TRIM33: variants seen among roughly 807,000 people sequenced by gnomAD.
The protein encoded by TRIM33 is E3 ubiquitin-protein ligase TRIM33.
A neutral mutation model predicts 125.4 loss-of-function variants in TRIM33; 20 were observed. The ratio of observed to expected loss-of-function variants is 0.16; its 90% CI spans 0.11 to 0.23. The LOEUF (loss-of-function observed/expected upper bound fraction) is 0.23, where lower values mean the gene tolerates loss of function less well. TRIM33 is among the 10% of genes least tolerant of loss of function. TRIM33 has a pLI of 1.00. For synonymous variants in TRIM33, 564 were observed against 513.9 expected (o/e 1.10, Z -1.32); for missense variants, 920 against 1,411.4 (o/e 0.65, Z 5.58).
chr1:114,481,703 A>G (rs893006255), intron 1 of TRIM33, among the ~76,000 whole-genome samples: 3 of 151,266 alleles, frequency 2.0e-5, no homozygotes, highest in South Asian at 2.1e-4. Flanking sequence ...GTGTATATAT[A>G]TATTTTTTTA....
At chr1:114,457,269 G>A (rs1487249243) in intron 4 of TRIM33, among the ~76,000 whole-genome samples, 1 of 152,102 alleles carries the variant, frequency 6.6e-6, no homozygotes. Context: ...CATGATTTTG[G>A]GAAGTGTCAG....
chr1:114,504,395 T>A (rs916464830), intron 1 of TRIM33, among the ~76,000 whole-genome samples: 6 of 152,190 alleles, frequency 3.9e-5, no homozygotes, highest in Non-Finnish European at 8.8e-5. Flanking sequence ...CCCCTACTCC[T>A]GGACTCAAGC....
At chr1:114,457,296 A>C (rs1649682631) in intron 4 of TRIM33, among the ~76,000 whole-genome samples, 1 of 152,216 alleles carries the variant, frequency 6.6e-6, no homozygotes, top group African/African-American at 2.4e-5. Flanking sequence ...ATACTAATGC[A>C]GACTACAGCT....
chr1:114,454,751 A>G (rs1421070841), intron 4 of TRIM33, among the ~76,000 whole-genome samples: 2 of 151,298 alleles, frequency 1.3e-5, no homozygotes, highest in African/African-American at 4.8e-5. Flanking sequence ...AATACAAGAG[A>G]ATGTTAGGAC....
At chr1:114,403,781 C>T (rs1233110601) in intron 15 of TRIM33, among the ~76,000 whole-genome samples, 1 of 152,202 alleles carries the variant, frequency 6.6e-6, no homozygotes, top group Non-Finnish European at 1.5e-5. Flanking sequence ...CTACCTTGGC[C>T]TCCCAAAGTG....
intron 1 of TRIM33, 22 bp downstream of exon 1, chr1:114,510,529 C>G: frequency 6.9e-7 from 1 of 1,453,062 alleles, no homozygotes; most frequent in Non-Finnish European, 9.1e-7. Context: ...GGCCCAGATG[C>G]CAGGCAGGGC....
chr1:114,398,158 C>T (rs939351511), intron 18 of TRIM33, among the ~76,000 whole-genome samples, 168 bp from the exon 19 acceptor site: 1 of 152,158 alleles, frequency 6.6e-6, no homozygotes, highest in Non-Finnish European at 1.5e-5. Flanking sequence ...GAACCATTTT[C>T]TTTACAAAGC....
rs757363388 is a variant in TRIM33, at chr1:114,464,280, T to G, written c.635A>C (p.Lys212Thr). 3.0e-5 allele frequency: 47 copies of G among 1,571,402 alleles called. No individual in the cohort carries two copies. The South Asian group carries it at 5.1e-4, about 17-fold the overall frequency. ...AATTGAGAAGCATACCTGTTCTGAT[T>G]TTTCATCAGAACTGCTAGGAGCTTC... ...TSEAPSSSDEKSEQVCTSCED... is the reference protein window; with the variant it reads ...TSEAPSSSDETSEQVCTSCED... Residue 212 changes from lysine to threonine, a missense_variant, in exon 2 of 20, where the codon AAA becomes ACA. Lys to Thr is a moderately conservative substitution (Grantham distance 78, BLOSUM62 -1). Transcript: ENST00000358465.
intron 4 of TRIM33, among the ~76,000 whole-genome samples, chr1:114,443,118 T>C (rs1557868574): frequency 6.6e-6 from 1 of 150,808 alleles, no homozygotes; most frequent in Admixed American, 6.6e-5. Flanking sequence ...GTGCGGTGGC[T>C]CACACCTGTA....
chr1:114,472,316 C>T (rs1199353534), intron 1 of TRIM33, among the ~76,000 whole-genome samples: 1 of 151,950 alleles, frequency 6.6e-6, no homozygotes, highest in Non-Finnish European at 1.5e-5. Flanking sequence ...GAAATAATTG[C>T]TAATTAAGGA....
chr1:114,500,226 T>G (rs1652629959), intron 1 of TRIM33, among the ~76,000 whole-genome samples: 1 of 152,192 alleles, frequency 6.6e-6, no homozygotes, highest in Non-Finnish European at 1.5e-5. Context: ...ACCATGTGTA[T>G]AAATAGGCAG....
intron 1 of TRIM33, among the ~76,000 whole-genome samples, chr1:114,478,680 C>T (rs1486138835): frequency 5.9e-5 from 9 of 152,054 alleles, no homozygotes; most frequent in Admixed American, 2.0e-4. Flanking sequence ...GTCTTAAGAG[C>T]GAACTATAAA....
At chr1:114,429,791 T>C (rs535999288) in intron 6 of TRIM33, among the ~76,000 whole-genome samples, 7 of 152,150 alleles carry the variant, frequency 4.6e-5, no homozygotes, top group Admixed American at 6.5e-5. Context: ...TTTCCAAAAT[T>C]TCAACTTTCC....
intron 1 of TRIM33, among the ~76,000 whole-genome samples, chr1:114,487,450 A>ACT (rs1041065447): frequency 6.6e-6 from 1 of 152,004 alleles, no homozygotes; most frequent in African/African-American, 2.4e-5. Flanking sequence ...ATGAAGGACA[A>ACT]CTAAAGATAT....
chr1:114,424,394 C>A (rs552931952), intron 10 of TRIM33, among the ~76,000 whole-genome samples, 197 bp downstream of exon 10: 1 of 152,200 alleles, frequency 6.6e-6, no homozygotes, highest in South Asian at 2.1e-4. Flanking sequence ...ATATGATGCA[C>A]TTAAAGCATT....
rs1254777634 is a variant in TRIM33, at chr1:114,490,102, AAAG to A, written c.526+20446_526+20448del. ...TCCGTCTCAAAAAAAAAAAAAAAAA[AAAG>A]AAAAGGAAAGGAAAGAAAAAAGAAA... On this transcript the variant is annotated intron_variant, in intron 1 of 19. Transcript: ENST00000358465. Among the ~76,000 whole-genome samples, 58 of 142,170 alleles carry A rather than the reference AAAG, an allele frequency of 4.1e-4. 2 individuals carry two copies. The highest frequency in any genetic ancestry group is 1.2e-3 in the African/African-American group (48 of 39,360). The allele number at this position is 142,170 out of a possible 152,430, so 93.3% of individuals were successfully genotyped here.
intron 2 of TRIM33, among the ~76,000 whole-genome samples, chr1:114,463,919 C>G (rs1269729644): frequency 2.0e-5 from 3 of 151,982 alleles, no homozygotes; most frequent in Non-Finnish European, 4.4e-5. Context: ...AAGGCGCATG[C>G]CACCACGCCC....
In TRIM33 at chr1:114,493,768, G is replaced by C. The variant is rs1304326671; in HGVS notation, c.526+16783C>G. Among the ~76,000 whole-genome samples the C allele has an allele frequency of 3.3e-5, 5 of 152,148 alleles. No individual in the cohort carries two copies. The South Asian group carries it at 1.0e-3, about 32-fold the overall frequency. On this transcript the variant is annotated intron_variant, in intron 1 of 19. Coordinates refer to ENST00000358465, the MANE Select transcript of TRIM33 (RefSeq NM_015906.4). ...GTCAATGCAGCCTCAACCTCCCCAG[G>C]TTCAAACAATCCTGCCTCAACCTCC...
chr1:114,501,475 T>C (rs1456346439), intron 1 of TRIM33, among the ~76,000 whole-genome samples: 4 of 152,302 alleles, frequency 2.6e-5, no homozygotes, highest in South Asian at 2.1e-4. Context: ...GAACAAGGGA[T>C]TCAAAGAGCA....
Sources: allele counts gnomAD v4.1 joint callset (sites outside exome capture counted in the v4.1 genomes callset), GRCh38; gene constraint gnomAD v4.1.1; transcripts MANE v1.5; gene names NCBI Gene and HGNC (gene_info 2026-07-23, HGNC 2026-07-21).